The following GMDS variants were observed in gnomAD, a reference collection of about 807,000 sequenced individuals.
GMDS encodes the protein GDP-mannose 4,6 dehydratase.
In GMDS, 20 loss-of-function variants were observed where a neutral mutation model predicts 49.9. The observed-to-expected ratio is 0.40, with a 90% CI of 0.28 to 0.58. GMDS has a LOEUF of 0.58. Ranked by LOEUF, GMDS falls within the 20% of genes least tolerant of loss-of-function variation. The pLI, the probability that GMDS is intolerant of heterozygous loss-of-function variation, is 0.42. For missense variants in GMDS, 362 were observed against 481.4 expected (o/e 0.75, Z 2.32); for synonymous variants, 177 against 178.6 (o/e 0.99, Z 0.07).
intron 7 of GMDS, among the ~76,000 whole-genome samples, chr6:1,853,247 G>C (rs376349056): frequency 6.6e-6 from 1 of 151,766 alleles, no homozygotes. Context: ...GGCCGGGCGC[G>C]GTGGCTCATG....
chr6:1,693,595 T>C (rs1320513274), intron 9 of GMDS, among the ~76,000 whole-genome samples: 1 of 152,190 alleles, frequency 6.6e-6, no homozygotes, highest in Non-Finnish European at 1.5e-5. Context: ...TTGTTGTTGT[T>C]GTTGTTTTGT....
intron 6 of GMDS, among the ~76,000 whole-genome samples, chr6:1,941,824 G>A (rs1473966757): frequency 6.6e-6 from 1 of 152,194 alleles, no homozygotes; most frequent in Admixed American, 6.5e-5. Context: ...CCAGGGCACA[G>A]GAGAGCAGGT....
At chr6:2,015,112 C>T (rs780609484) in intron 4 of GMDS, among the ~76,000 whole-genome samples, 1 of 152,132 alleles carries the variant, frequency 6.6e-6, no homozygotes, top group African/African-American at 2.4e-5. Context: ...GAGATGGAGA[C>T]TATACACCTC....
chr6:2,060,691 C>T (rs566462914), intron 4 of GMDS, among the ~76,000 whole-genome samples: 1 of 152,266 alleles, frequency 6.6e-6, no homozygotes, highest in African/African-American at 2.4e-5. Flanking sequence ...GAGCAGACTG[C>T]ATGTCAAACA....
intron 1 of GMDS, among the ~76,000 whole-genome samples, chr6:2,143,639 G>A (rs966777610): frequency 1.3e-5 from 2 of 152,070 alleles, no homozygotes; most frequent in African/African-American, 4.8e-5. Context: ...GAGGCAAGGC[G>A]CCTCCCAAGC....
chr6:2,176,806 C>G (rs1445393153), intron 1 of GMDS, among the ~76,000 whole-genome samples: 1 of 152,142 alleles, frequency 6.6e-6, no homozygotes. Context: ...AGTGCTAGGG[C>G]AGTCCTGCAC....
At chr6:1,711,713 C>A (rs769812913) in intron 9 of GMDS, among the ~76,000 whole-genome samples, 9 of 152,202 alleles carry the variant, frequency 5.9e-5, no homozygotes, top group Non-Finnish European at 1.0e-4. Flanking sequence ...TTGCCTCTGA[C>A]ACCCCGGCTG....
At chr6:1,712,026 C>T (rs1765986911) in intron 9 of GMDS, among the ~76,000 whole-genome samples, 1 of 152,188 alleles carries the variant, frequency 6.6e-6, no homozygotes, top group South Asian at 2.1e-4. Context: ...TGACTGCAGC[C>T]TACTCTCTAA....
chr6:1,688,494 T>G (rs1033358092), intron 9 of GMDS, among the ~76,000 whole-genome samples: 4 of 152,206 alleles, frequency 2.6e-5, no homozygotes, highest in Non-Finnish European at 4.4e-5. Flanking sequence ...CTAAAGTTTG[T>G]GTGTGTTTCT....
chr6:1,634,827 G>A (rs991322412), intron 9 of GMDS, among the ~76,000 whole-genome samples: 2 of 152,150 alleles, frequency 1.3e-5, no homozygotes, highest in Non-Finnish European at 2.9e-5. Context: ...GGGGTGGGGA[G>A]GGGACATAGC....
At chr6:1,799,108 G>A (rs1452505875) in intron 7 of GMDS, among the ~76,000 whole-genome samples, 5 of 151,822 alleles carry the variant, frequency 3.3e-5, no homozygotes, top group African/African-American at 7.3e-5. Context: ...AAAGATTAGC[G>A]AGGGAAGGGA....
At chr6:1,820,387 C>T (rs1453552238) in intron 7 of GMDS, among the ~76,000 whole-genome samples, 2 of 152,146 alleles carry the variant, frequency 1.3e-5, no homozygotes, top group Non-Finnish European at 2.9e-5. Flanking sequence ...AGTTTAAATT[C>T]CCTTCACAAA....
intron 7 of GMDS, among the ~76,000 whole-genome samples, chr6:1,844,793 A>G (rs1465168513): frequency 6.6e-6 from 1 of 152,246 alleles, no homozygotes; most frequent in Non-Finnish European, 1.5e-5. Flanking sequence ...TTTTGGCTCA[A>G]GAACAAATAT....
At chr6:2,159,246 C>G (rs1484917086) in intron 1 of GMDS, among the ~76,000 whole-genome samples, 1 of 152,166 alleles carries the variant, frequency 6.6e-6, no homozygotes, top group Admixed American at 6.5e-5. Flanking sequence ...GTACCGACCT[C>G]CTGTGCAGTC....
At chr6:2,219,337 G>A (rs1490646193) in intron 1 of GMDS, among the ~76,000 whole-genome samples, 2 of 152,186 alleles carry the variant, frequency 1.3e-5, no homozygotes, top group South Asian at 4.1e-4. Flanking sequence ...CAGTTTGGCT[G>A]AAGAGCATGC....
intron 9 of GMDS, among the ~76,000 whole-genome samples, chr6:1,657,700 C>T (rs964740668): frequency 3.9e-5 from 6 of 152,244 alleles, no homozygotes; most frequent in African/African-American, 1.2e-4. Flanking sequence ...CGCCTCAAAA[C>T]GTTTCCATCA....
intron 7 of GMDS, among the ~76,000 whole-genome samples, chr6:1,926,451 C>T (rs755701989): frequency 6.6e-6 from 1 of 152,116 alleles, no homozygotes; most frequent in African/African-American, 2.4e-5. Flanking sequence ...ACACGCTCTG[C>T]GAGGGGGATA....
chr6:1,943,169 C>T (rs1762901106), intron 6 of GMDS, among the ~76,000 whole-genome samples: 1 of 152,192 alleles, frequency 6.6e-6, no homozygotes, highest in South Asian at 2.1e-4. Context: ...TGCAGACCCC[C>T]CAGCATGCAC....
At chr6:2,199,773 G>C (rs921542663) in intron 1 of GMDS, among the ~76,000 whole-genome samples, 1 of 151,994 alleles carries the variant, frequency 6.6e-6, no homozygotes, top group African/African-American at 2.4e-5. Context: ...CTTCATTCAA[G>C]TATCAACTTA....
Sources: allele counts gnomAD v4.1 joint callset (sites outside exome capture counted in the v4.1 genomes callset), GRCh38; gene constraint gnomAD v4.1.1; transcripts MANE v1.5; gene names NCBI Gene and HGNC (gene_info 2026-07-23, HGNC 2026-07-21).